Variants in PNPLA7 observed in about 807,000 individuals in gnomAD.
The protein encoded by PNPLA7 is patatin-like phospholipase domain-containing protein 7.
PNPLA7 carries 153 observed loss-of-function variants against 161.7 expected under a neutral mutation model. That is an observed-to-expected ratio of 0.95 (90% CI 0.83 to 1.08). The LOEUF (loss-of-function observed/expected upper bound fraction) is 1.08, where lower values mean the gene tolerates loss of function less well. Ranked by LOEUF, PNPLA7 falls within the 50% of genes least tolerant of loss-of-function variation. The pLI is 0.00. For missense variants in PNPLA7, 1,739 were observed against 1,856.6 expected (o/e 0.94, Z 1.16); for synonymous variants, 809 against 782.1 (o/e 1.03, Z -0.57).
At chr9:137,511,395 TG>T (rs1834228318) in intron 12 of PNPLA7, among the ~76,000 whole-genome samples, 1 of 150,798 alleles carries the variant, frequency 6.6e-6, no homozygotes, top group Non-Finnish European at 1.5e-5. Flanking sequence ...CGCCAGCGCC[TG>T]GGAAGGTACC....
Position 137,542,635 on chromosome 9 carries a change from G to A in PNPLA7, c.666+7C>T, listed in dbSNP as rs747991682. On this transcript the variant is annotated splice_region_variant and intron_variant, in intron 7 of 34. Coordinates refer to ENST00000406427, the MANE Select transcript of PNPLA7 (RefSeq NM_001098537.3). The stretch of plus-strand genomic sequence containing the variant: ...GCCTGACCCCGCCCCGCCGCCCTGC[G>A]ACTCACAGTGTCCTGGATGCAGACC... 17 of 1,582,430 alleles carry A rather than the reference G, an allele frequency of 1.1e-5. No homozygotes were observed. The highest frequency in any genetic ancestry group is 5.6e-5 in the South Asian group (5 of 89,328).
chr9:137,532,076 T>G (rs1192670842), intron 8 of PNPLA7, among the ~76,000 whole-genome samples: 4 of 152,170 alleles, frequency 2.6e-5, no homozygotes, highest in African/African-American at 9.6e-5. Context: ...CACGCTTTTT[T>G]GCGTATCTGC....
Position 137,542,655 on chromosome 9 carries a change from C to G in PNPLA7, c.653G>C (p.Cys218Ser). Reference sequence around the variant, plus strand: ...CCTGCGACTCACAGTGTCCTGGATGCAGACCTCCAGCCGCCCGTCCTGCAC... The same window carrying G: ...CCTGCGACTCACAGTGTCCTGGATGGAGACCTCCAGCCGCCCGTCCTGCAC... ...CVVQDGRLEVCIQDTDGTEVV... is the reference protein window; with the variant it reads ...CVVQDGRLEVSIQDTDGTEVV... The change falls in exon 7 of 35, where the codon TGC (cysteine) becomes TCC (serine). Residue 218 changes from cysteine (C) to serine (S), a missense_variant. Around this residue, in one of 6 missense-constraint regions of PNPLA7, gnomAD observed 152 missense variants for 193.5 expected, o/e 0.79. Transcript: ENST00000406427. 1 of 1,609,410 alleles carries G rather than the reference C, an allele frequency of 6.2e-7. No homozygotes were observed. The highest frequency in any genetic ancestry group is 1.7e-5 in the Admixed American group (1 of 59,882).
chr9:137,536,789 A>G (rs1221664578), intron 8 of PNPLA7, among the ~76,000 whole-genome samples: 4 of 150,906 alleles, frequency 2.7e-5, no homozygotes, highest in African/African-American at 9.8e-5. Context: ...CATGGGGGCC[A>G]TCCACCGAGC....
intron 4 of PNPLA7, 33 bp downstream of exon 4, chr9:137,546,797 C>T (rs773124187): frequency 1.7e-5 from 27 of 1,605,096 alleles, no homozygotes; most frequent in East Asian, 2.2e-5. Flanking sequence ...TCGAGGAAGC[C>T]GTGTGCAGCC....
chr9:137,532,017 C>T (rs1360925197), intron 8 of PNPLA7, among the ~76,000 whole-genome samples: 1 of 152,216 alleles, frequency 6.6e-6, no homozygotes, highest in South Asian at 2.1e-4. Flanking sequence ...CTCCTTTCCT[C>T]TCCCGAACAG....
rs77683109 is a variant in PNPLA7, at chr9:137,478,049, C to G, written c.2867G>C (p.Gly956Ala). Residue 956 changes from glycine (G) to alanine (A), a missense_variant, in exon 25 of 35, where the codon GGG becomes GCG. Physicochemically the swap from Gly to Ala is moderately conservative, Grantham distance 60. Transcript: ENST00000406427. ...GGGGACTCACCTTGCTCCCCCTCCC[C>G]CAAGCACCAGGGCAATGGCGTTGCC... ...LTGNAIALVL[G>A]GGGARGCAQV... The G allele has an allele frequency of 1.9e-3, 2,708 of 1,434,102 alleles. 48 individuals are homozygous for G. The African/African-American group carries it at 0.035, about 18-fold the overall frequency. The allele number at this position is 1,434,102 out of a possible 1,614,324, so 88.8% of individuals were successfully genotyped here. A position where few individuals can be genotyped will look rare whatever the true frequency, so the allele number is the denominator to read the frequency against.
intron 12 of PNPLA7, among the ~76,000 whole-genome samples, chr9:137,512,443 G>A (rs1253208529): frequency 2.6e-5 from 4 of 152,262 alleles, no homozygotes; most frequent in East Asian, 3.8e-4. Flanking sequence ...CCATCGGGAC[G>A]GCAGGCAGCC....
chr9:137,479,725 G>A, intron 23 of PNPLA7: 1 of 985,442 alleles, frequency 1.0e-6, no homozygotes, highest in Non-Finnish European at 1.2e-6. Flanking sequence ...ACAGGACTGG[G>A]TGGCCATGAG....
chr9:137,519,771 G>C (rs1834891523), intron 11 of PNPLA7, 146 bp downstream of exon 11: 2 of 1,086,538 alleles, frequency 1.8e-6, no homozygotes, highest in Non-Finnish European at 2.6e-6. Context: ...GGACTTGTAG[G>C]GTGACCTGGG....
rs1009084222 is a variant in PNPLA7, at chr9:137,520,476, T to G, written c.958-433A>C. Among the ~76,000 whole-genome samples, 12 of 152,228 alleles carry G rather than the reference T, an allele frequency of 7.9e-5. No homozygotes were observed. The highest frequency in any genetic ancestry group is 2.9e-4 in the African/African-American group (12 of 41,458). The stretch of plus-strand genomic sequence containing the variant: ...ATGTAGAAAACAAAAAGATATTCCC[T>G]TAATGTCAACAACTGAAGACGACAA... On this transcript the variant is annotated intron_variant, in intron 10 of 34. Coordinates refer to ENST00000406427, the MANE Select transcript of PNPLA7 (RefSeq NM_001098537.3). The surrounding 1 kb of genome is among the most constrained non-coding windows in gnomAD (Gnocchi z 5.2).
chr9:137,547,162 G>T lies in PNPLA7; in HGVS notation c.193+147C>A. ...ACAGACTTGGCTTCCTGGAACCGAC[G>T]GGCTCAGCCTGAGCCCAGACGGGCC... On this transcript the variant is annotated intron_variant, in intron 3 of 34. Transcript: ENST00000406427. This position sits in a 1 kb window ranked among gnomAD's most constrained non-coding sequence, Gnocchi z 4.6. 1 of 857,128 alleles carries T rather than the reference G, an allele frequency of 1.2e-6. No homozygotes were observed. Among genetic ancestry groups the T allele is most frequent in the Non-Finnish European group, 1.9e-6 (1 of 531,944 alleles). The allele number at this position is 857,128 out of a possible 1,614,324, so 53.1% of individuals were successfully genotyped here.
At chr9:137,516,321 G>A (rs765843414) in intron 11 of PNPLA7, 2 of 984,148 alleles carry the variant, frequency 2.0e-6, no homozygotes, top group Non-Finnish European at 2.4e-6. Context: ...AACGAGGAAG[G>A]AGCCTGGCCT....
intron 12 of PNPLA7, among the ~76,000 whole-genome samples, chr9:137,514,193 G>T (rs1396229137): frequency 1.3e-5 from 2 of 149,870 alleles, no homozygotes; most frequent in African/African-American, 4.9e-5. Flanking sequence ...GGGCCCTGTG[G>T]CTGGGCTGCA....
At chr9:137,515,200 G>A (rs1024643043) in intron 12 of PNPLA7, among the ~76,000 whole-genome samples, 179 bp downstream of exon 12, 1 of 152,114 alleles carries the variant, frequency 6.6e-6, no homozygotes, top group Non-Finnish European at 1.5e-5. Context: ...GCGGCAGGAC[G>A]GCCACCAAGC....
chr9:137,477,907 G>A lies in PNPLA7; in HGVS notation c.2882+127C>T, dbSNP rs543507957. The A allele has an allele frequency of 3.7e-5, 28 of 755,026 alleles. No homozygotes were observed. The South Asian group carries it at 1.5e-3, about 40-fold the overall frequency. 46.8% of individuals were successfully genotyped at this position (755,026 alleles called of 1,614,324 possible). On this transcript the variant is annotated intron_variant, in intron 25 of 34. Coordinates refer to ENST00000406427, the MANE Select transcript of PNPLA7 (RefSeq NM_001098537.3). The stretch of plus-strand genomic sequence containing the variant: ...CCGGGGTGGAGGCTGGGTCTGGACA[G>A]GCGGCCTGAGGGTCTCGTCTGCGGG...
At chr9:137,525,568 T>C (rs1471836721) in intron 8 of PNPLA7, among the ~76,000 whole-genome samples, 4 of 152,114 alleles carry the variant, frequency 2.6e-5, no homozygotes, top group Non-Finnish European at 5.9e-5. Flanking sequence ...TATGTCATTA[T>C]TTCTTCTATG....
chr9:137,538,412 T>G (rs1836008240), intron 8 of PNPLA7, among the ~76,000 whole-genome samples: 2 of 152,274 alleles, frequency 1.3e-5, no homozygotes, highest in Middle Eastern at 3.4e-3. Context: ...GTTACGTCCT[T>G]TCCGAGCAGA....
intron 26 of PNPLA7, 129 bp from the exon 27 acceptor site, chr9:137,464,585 G>A (rs945969965): frequency 8.1e-6 from 7 of 859,620 alleles, no homozygotes; most frequent in Admixed American, 7.8e-5. Context: ...CCCCACCCAC[G>A]GTCCTGAGGC....
Sources: allele counts gnomAD v4.1 joint callset (sites outside exome capture counted in the v4.1 genomes callset), GRCh38; gene constraint gnomAD v4.1.1; regional missense constraint gnomAD v4.1.1; non-coding constraint Gnocchi (gnomAD v3.1); transcripts MANE v1.5; gene names NCBI Gene and HGNC (gene_info 2026-07-23, HGNC 2026-07-21).